BBOX1: variants seen among roughly 807,000 people sequenced by gnomAD.
The protein encoded by BBOX1 is gamma-butyrobetaine dioxygenase.
A neutral mutation model predicts 41.6 loss-of-function variants in BBOX1; 35 were observed. That is an observed-to-expected ratio of 0.84 (90% CI 0.64 to 1.11). The LOEUF (loss-of-function observed/expected upper bound fraction) is 1.11, where lower values mean the gene tolerates loss of function less well. Ranked by LOEUF, BBOX1 falls within the 50% of genes most tolerant of loss-of-function variation. The probability of loss-of-function intolerance (pLI) is 0.00; values close to 1 mark genes in which losing one functional copy is unlikely to be tolerated. For missense variants in BBOX1, 458 were observed against 460.6 expected, an observed-to-expected ratio of 0.99 and a Z score of 0.05; for synonymous variants, 163 against 154.7, an observed-to-expected ratio of 1.05 and a Z score of -0.40.
chr11:27,045,208 C>A (rs1266122260), intron 2 of BBOX1, among the ~76,000 whole-genome samples: 2 of 152,134 alleles, frequency 1.3e-5, no homozygotes, highest in African/African-American at 4.8e-5. Flanking sequence ...TGGGAGTTCA[C>A]TCATGATTTG....
intron 4 of BBOX1, among the ~76,000 whole-genome samples, chr11:27,062,234 T>C (rs761755841): frequency 1.3e-5 from 2 of 152,144 alleles, no homozygotes; most frequent in African/African-American, 4.8e-5. Flanking sequence ...AGTTTAATAT[T>C]GGTGAAGTTA....
intron 2 of BBOX1, among the ~76,000 whole-genome samples, chr11:27,047,943 C>A (rs528576988): frequency 1.3e-5 from 2 of 152,160 alleles, no homozygotes; most frequent in South Asian, 4.1e-4. Flanking sequence ...AACTAATAAT[C>A]TTTTTTCACT....
At chr11:27,088,720 G>C (rs1270780389) in intron 4 of BBOX1, among the ~76,000 whole-genome samples, 1 of 151,944 alleles carries the variant, frequency 6.6e-6, no homozygotes, top group Non-Finnish European at 1.5e-5. Context: ...ATATGCAGTT[G>C]TTAAAATTAT....
intron 5 of BBOX1, among the ~76,000 whole-genome samples, chr11:27,107,043 G>A (rs1359369508): frequency 6.6e-6 from 1 of 152,008 alleles, no homozygotes; most frequent in Non-Finnish European, 1.5e-5. Context: ...AAACCAACGA[G>A]AACAAAGACA....
chr11:27,084,743 T>C (rs1172325819), intron 4 of BBOX1, among the ~76,000 whole-genome samples: 1 of 152,156 alleles, frequency 6.6e-6, no homozygotes, highest in Admixed American at 6.5e-5. Flanking sequence ...AGAGCTTCTT[T>C]GTGTCTTTTC....
At chr11:27,060,989 G>T (rs1015926219) in intron 4 of BBOX1, among the ~76,000 whole-genome samples, 2 of 152,066 alleles carry the variant, frequency 1.3e-5, no homozygotes, top group Non-Finnish European at 2.9e-5. Flanking sequence ...GGGTCACATC[G>T]CAGTGTCACA....
intron 7 of BBOX1, 47 bp from the exon 8 acceptor site, chr11:27,125,607 T>C (rs1859623431): frequency 2.9e-6 from 4 of 1,377,078 alleles, no homozygotes; most frequent in African/African-American, 2.9e-5. Flanking sequence ...TCAATGTAAA[T>C]AGATATTTCA....
intron 4 of BBOX1, among the ~76,000 whole-genome samples, chr11:27,085,419 A>G (rs185446018): frequency 2.0e-5 from 3 of 152,256 alleles, no homozygotes; most frequent in African/African-American, 7.2e-5. Flanking sequence ...CATATCTGTT[A>G]TAGTGATCTG....
chr11:27,085,662 C>G (rs1346883311), intron 4 of BBOX1, among the ~76,000 whole-genome samples: 1 of 151,714 alleles, frequency 6.6e-6, no homozygotes, highest in Non-Finnish European at 1.5e-5. Flanking sequence ...CCACAATGAC[C>G]TCTAAGTCTT....
At chr11:27,052,965 C>T (rs988980480) in intron 2 of BBOX1, among the ~76,000 whole-genome samples, 6 of 152,086 alleles carry the variant, frequency 3.9e-5, no homozygotes, top group Non-Finnish European at 7.4e-5. Context: ...TAAAATTTCC[C>T]TACACAGCAA....
At chr11:27,123,875 T>A (rs1182152914) in intron 7 of BBOX1, among the ~76,000 whole-genome samples, 5 of 152,228 alleles carry the variant, frequency 3.3e-5, no homozygotes, top group South Asian at 2.1e-4. Context: ...TTGTTATTAA[T>A]ACATGCAAAT....
At chr11:27,073,727 C>T (rs1371537987) in intron 4 of BBOX1, among the ~76,000 whole-genome samples, 1 of 152,104 alleles carries the variant, frequency 6.6e-6, no homozygotes, top group Non-Finnish European at 1.5e-5. Flanking sequence ...GAATACTATG[C>T]AGCCATAAAA....
intron 5 of BBOX1, among the ~76,000 whole-genome samples, chr11:27,111,875 T>A (rs912531243): frequency 6.6e-6 from 1 of 151,926 alleles, no homozygotes; most frequent in Non-Finnish European, 1.5e-5. Context: ...TAAATCTTTT[T>A]AAAAAGAGTA....
intron 4 of BBOX1, among the ~76,000 whole-genome samples, chr11:27,092,827 G>C (rs1309860448): frequency 6.6e-6 from 1 of 151,914 alleles, no homozygotes; most frequent in Non-Finnish European, 1.5e-5. Context: ...AACACATACA[G>C]TATCTCAGAG....
chr11:27,085,555 A>ATCTCTC (rs59696795), intron 4 of BBOX1, among the ~76,000 whole-genome samples: 14,197 of 134,560 alleles, frequency 0.11, 986 homozygotes, highest in Non-Finnish European at 0.15. Flanking sequence ...ACATTCCCCC[A>ATCTCTC]TCTCTCTCTC....
chr11:27,126,136 A>G (rs2134119641), intron 8 of BBOX1, among the ~76,000 whole-genome samples: 1 of 152,320 alleles, frequency 6.6e-6, no homozygotes, highest in East Asian at 1.9e-4. Flanking sequence ...AAAGTATTCC[A>G]GTTACTTGAG....
chr11:27,055,244 C>T, intron 2 of BBOX1, 149 bp from the exon 3 acceptor site: 2 of 552,744 alleles, frequency 3.6e-6, no homozygotes, highest in Non-Finnish European at 6.4e-6. Flanking sequence ...CTCACCAGAA[C>T]AAAGGTCCCA....
At position 27,093,279 on chromosome 11, in the gene BBOX1, T is replaced by G. The variant is rs1236938239; in HGVS notation, c.446T>G (p.Ile149Arg). Residue 149 changes from isoleucine (I) to arginine (R), a missense_variant, in exon 5 of 9, where the codon ATA becomes AGA. Physicochemically the swap from Ile to Arg is moderately conservative, Grantham distance 97 (BLOSUM62 -3). Transcript: ENST00000263182. ...KWLSTLKKVG[I>R]VRLTGASDKP... Reference sequence around the variant, plus strand: ...CTCTCCACCCTCAAGAAAGTAGGCATAGTAAGACTCACCGGAGCATCTGAC... The same window carrying G: ...CTCTCCACCCTCAAGAAAGTAGGCAGAGTAAGACTCACCGGAGCATCTGAC... 6.2e-7 allele frequency: 1 copy of G among 1,612,548 alleles called. No homozygotes were observed. The highest frequency in any genetic ancestry group is 1.7e-5 in the Admixed American group (1 of 59,838).
In BBOX1 at chr11:27,040,818, T is replaced by C. The variant is rs1266014004; in HGVS notation, c.-512T>C. 6.6e-6 allele frequency: 1 copy of C among 152,234 alleles called. No homozygotes were observed. Among genetic ancestry groups the C allele is most frequent in the Non-Finnish European group, 1.5e-5 (1 of 68,056 alleles). The allele number at this position is 152,234 out of a possible 1,614,324, so 9.4% of individuals were successfully genotyped here. On this transcript the variant is annotated 5_prime_UTR_variant, in exon 1 of 9. Transcript: ENST00000263182. Reference sequence around the variant, plus strand: ...CAAGCTCCCTTTAAAGAGGCTCATATTGGAATACTCTGTTGACAAGTAGAT... The same window carrying C: ...CAAGCTCCCTTTAAAGAGGCTCATACTGGAATACTCTGTTGACAAGTAGAT...
Sources: allele counts gnomAD v4.1 joint callset (sites outside exome capture counted in the v4.1 genomes callset), GRCh38; gene constraint gnomAD v4.1.1; transcripts MANE v1.5; gene names NCBI Gene and HGNC (gene_info 2026-07-23, HGNC 2026-07-21).